ARHGAP24: variants seen among roughly 807,000 people sequenced by gnomAD.
The protein encoded by ARHGAP24 is rho GTPase-activating protein 24.
A neutral mutation model predicts 76.4 loss-of-function variants in ARHGAP24; 50 were observed. That is an observed-to-expected ratio of 0.65 (90% confidence interval 0.52 to 0.83). The LOEUF (loss-of-function observed/expected upper bound fraction) is 0.83. Among genes scored for constraint, ARHGAP24 ranks in the 40% least tolerant of loss-of-function variants. The probability of loss-of-function intolerance (pLI) is 0.00; values close to 1 mark genes in which losing one functional copy is unlikely to be tolerated. For synonymous variants in ARHGAP24, 345 were observed against 323.3 expected (o/e 1.07, Z -0.72); for missense variants, 930 against 914.2 (o/e 1.02, Z -0.22).
chr4:85,758,946 TA>T (rs1388084988), intron 3 of ARHGAP24, among the ~76,000 whole-genome samples: 1 of 152,166 alleles, frequency 6.6e-6, no homozygotes, highest in Non-Finnish European at 1.5e-5. Flanking sequence ...AAAACTATAT[TA>T]TTATCCTTTT....
chr4:85,494,288 C>G (rs887838624), intron 1 of ARHGAP24, among the ~76,000 whole-genome samples: 2 of 152,154 alleles, frequency 1.3e-5, no homozygotes, highest in Admixed American at 6.5e-5. Context: ...ACACCCCATC[C>G]CCCAACATCG....
intron 1 of ARHGAP24, among the ~76,000 whole-genome samples, chr4:85,502,442 C>G (rs908330420): frequency 1.7e-4 from 26 of 152,168 alleles, no homozygotes; most frequent in African/African-American, 6.0e-4. Flanking sequence ...CCTTCACATC[C>G]CTTGTAAGTT....
intron 3 of ARHGAP24, among the ~76,000 whole-genome samples, chr4:85,878,540 T>A (rs1733065902): frequency 6.6e-6 from 1 of 152,174 alleles, no homozygotes; most frequent in African/African-American, 2.4e-5. Context: ...CATTAATTAA[T>A]AGATGAAAGT....
chr4:85,906,146 A>G (rs954618696), intron 3 of ARHGAP24, among the ~76,000 whole-genome samples: 2 of 152,204 alleles, frequency 1.3e-5, no homozygotes, highest in South Asian at 2.1e-4. Flanking sequence ...GTGGAAACCT[A>G]TGATAAATAT....
At position 85,981,388 on chromosome 4, in the gene ARHGAP24, A is replaced by G. The variant is rs968307050; in HGVS notation, c.928+3697A>G. Among the ~76,000 whole-genome samples the G allele has an allele frequency of 3.3e-5, 5 of 152,282 alleles. No homozygotes were observed. In the South Asian group the frequency reaches 8.3e-4, roughly 25 times the overall value. The stretch of plus-strand genomic sequence containing the variant: ...GACAGCTTCCTAAATTCCTAAGCAC[A>G]TTTCTGGTGAGATTAGTGTTGATAT... On this transcript the variant is annotated intron_variant, in intron 8 of 9. Coordinates refer to ENST00000395184, the MANE Select transcript of ARHGAP24 (RefSeq NM_001025616.3).
intron 3 of ARHGAP24, among the ~76,000 whole-genome samples, chr4:85,859,728 G>T (rs1168356568): frequency 6.6e-6 from 1 of 152,020 alleles, no homozygotes; most frequent in Non-Finnish European, 1.5e-5. Context: ...CTTCCATCTG[G>T]CTGTAGTCTG....
At chr4:85,860,569 C>T (rs1166988470) in intron 3 of ARHGAP24, among the ~76,000 whole-genome samples, 1 of 151,948 alleles carries the variant, frequency 6.6e-6, no homozygotes, top group Non-Finnish European at 1.5e-5. Context: ...ACTTTGAATG[C>T]ATCAATTACT....
chr4:85,993,267 G>A (rs1740443758), intron 8 of ARHGAP24, among the ~76,000 whole-genome samples: 2 of 152,014 alleles, frequency 1.3e-5, no homozygotes, highest in South Asian at 2.1e-4. Flanking sequence ...GATGTTATCT[G>A]GAAGCTGGTT....
chr4:85,492,306 C>T (rs570351921), intron 1 of ARHGAP24, among the ~76,000 whole-genome samples: 66 of 152,206 alleles, frequency 4.3e-4, no homozygotes, highest in African/African-American at 1.5e-3. Context: ...TCGATATCTT[C>T]GTTTCTTTTG....
chr4:85,819,447 A>T (rs2110121855), intron 3 of ARHGAP24, among the ~76,000 whole-genome samples: 1 of 152,128 alleles, frequency 6.6e-6, no homozygotes, highest in Non-Finnish European at 1.5e-5. Flanking sequence ...CCATTCCAGT[A>T]ATTTTTCCAC....
chr4:85,677,978 T>C (rs1172304950), intron 2 of ARHGAP24, among the ~76,000 whole-genome samples: 1 of 151,806 alleles, frequency 6.6e-6, no homozygotes, highest in Non-Finnish European at 1.5e-5. Context: ...AGTTCGAGGA[T>C]GTAGTGAACT....
chr4:85,945,569 C>G (rs992023882), intron 5 of ARHGAP24, among the ~76,000 whole-genome samples: 2 of 151,898 alleles, frequency 1.3e-5, no homozygotes, highest in Non-Finnish European at 2.9e-5. Flanking sequence ...TGAGACCAGC[C>G]TGGCCAACAT....
chr4:85,891,234 G>T (rs1457168598), intron 3 of ARHGAP24, among the ~76,000 whole-genome samples: 2 of 152,038 alleles, frequency 1.3e-5, no homozygotes, highest in African/African-American at 4.8e-5. Context: ...TGCTGAAGTT[G>T]CTTATCAGCT....
intron 3 of ARHGAP24, among the ~76,000 whole-genome samples, chr4:85,845,768 G>A (rs1207923577): frequency 6.6e-6 from 1 of 152,090 alleles, no homozygotes; most frequent in Admixed American, 6.6e-5. Flanking sequence ...AATAATCATA[G>A]CTACCATTGG....
chr4:85,697,475 A>T (rs1723910592), intron 2 of ARHGAP24, among the ~76,000 whole-genome samples: 1 of 152,178 alleles, frequency 6.6e-6, no homozygotes, highest in African/African-American at 2.4e-5. Flanking sequence ...GTGCACATGT[A>T]CCCTAAAACT....
intron 3 of ARHGAP24, among the ~76,000 whole-genome samples, chr4:85,844,123 C>A (rs1242541800): frequency 6.6e-6 from 1 of 152,108 alleles, no homozygotes; most frequent in Non-Finnish European, 1.5e-5. Flanking sequence ...ATACATTATT[C>A]AATGTCTTTA....
At chr4:85,486,052 AGACTGT>A (rs1167894046) in intron 1 of ARHGAP24, among the ~76,000 whole-genome samples, 1 of 152,112 alleles carries the variant, frequency 6.6e-6, no homozygotes, top group Admixed American at 6.6e-5. Context: ...AATTTTGATA[AGACTGT>A]GGCTATGTGT....
chr4:85,663,441 A>T (rs1418118506), intron 2 of ARHGAP24, among the ~76,000 whole-genome samples: 1 of 149,410 alleles, frequency 6.7e-6, no homozygotes, highest in Non-Finnish European at 1.5e-5. Context: ...GGTTTCCTAG[A>T]TATACAATCA....
chr4:85,634,094 C>A (rs574021215), intron 2 of ARHGAP24, among the ~76,000 whole-genome samples: 1 of 151,804 alleles, frequency 6.6e-6, no homozygotes, highest in South Asian at 2.1e-4. Flanking sequence ...TCTCATTCAA[C>A]TGAAGGATAA....
Sources: allele counts gnomAD v4.1 joint callset (sites outside exome capture counted in the v4.1 genomes callset), GRCh38; gene constraint gnomAD v4.1.1; transcripts MANE v1.5; gene names NCBI Gene and HGNC (gene_info 2026-07-23, HGNC 2026-07-21).